NKAIN3: variants seen among roughly 807,000 people sequenced by gnomAD.
NKAIN3 encodes the protein sodium/potassium transporting ATPase interacting 3.
In NKAIN3, 25 loss-of-function variants were observed where a neutral mutation model predicts 30.2. That is an observed-to-expected ratio of 0.83 (90% CI 0.60 to 1.16). The LOEUF (loss-of-function observed/expected upper bound fraction) is 1.16, where lower values mean the gene tolerates loss of function less well. Among genes scored for constraint, NKAIN3 ranks in the 50% most tolerant of loss-of-function variants. The pLI is 0.00. For synonymous variants in NKAIN3, 91 were observed against 89.6 expected (o/e 1.02, Z -0.09); for missense variants, 225 against 254.1 (o/e 0.89, Z 0.78).
At chr8:62,787,807 G>C (rs2130665514) in intron 4 of NKAIN3, among the ~76,000 whole-genome samples, 1 of 152,030 alleles carries the variant, frequency 6.6e-6, no homozygotes, top group African/African-American at 2.4e-5. Context: ...GTGATAGTTT[G>C]CTGAGAATGA....
At chr8:62,408,073 G>A (rs1270437170) in intron 1 of NKAIN3, among the ~76,000 whole-genome samples, 2 of 152,118 alleles carry the variant, frequency 1.3e-5, no homozygotes, top group Admixed American at 1.3e-4. Flanking sequence ...GGATCGCACT[G>A]TATTATAGTC....
Position 62,571,599 on chromosome 8 carries a change from C to A in NKAIN3, c.55-7940C>A, listed in dbSNP as rs374705492. Among the ~76,000 whole-genome samples, 69 of 152,256 alleles carry A rather than the reference C, an allele frequency of 4.5e-4. No individual in the cohort carries two copies. The East Asian group carries it at 6.0e-3, about 13-fold the overall frequency. ...AACCCCACATTTCCCTTCCACACTG[C>A]CCTAGCAGAGGATCTCCATGAGGGC... On this transcript the variant is annotated intron_variant, in intron 1 of 6. Coordinates refer to ENST00000623646, the MANE Select transcript of NKAIN3 (RefSeq NM_001304533.3).
chr8:62,352,577 C>T (rs1402328619), intron 1 of NKAIN3, among the ~76,000 whole-genome samples: 24 of 152,148 alleles, frequency 1.6e-4, no homozygotes, highest in Admixed American at 1.6e-3. Context: ...AGCTGAGCAT[C>T]GTCTTCTAAA....
At chr8:62,900,163 G>T (rs904345517) in intron 4 of NKAIN3, among the ~76,000 whole-genome samples, 2 of 152,108 alleles carry the variant, frequency 1.3e-5, no homozygotes, top group African/African-American at 4.8e-5. Context: ...AAGGCCAAAC[G>T]TAAAGTCTAA....
At chr8:62,770,900 G>A (rs58948762) in intron 4 of NKAIN3, among the ~76,000 whole-genome samples, 9 of 151,966 alleles carry the variant, frequency 5.9e-5, no homozygotes, top group African/African-American at 1.7e-4. Context: ...GCTGGTGGGC[G>A]GGGGGTGGAG....
At chr8:62,683,968 C>G (rs1490095307) in intron 3 of NKAIN3, among the ~76,000 whole-genome samples, 1 of 152,144 alleles carries the variant, frequency 6.6e-6, no homozygotes, top group Non-Finnish European at 1.5e-5. Context: ...CTTAGCTAGT[C>G]TCCCCAGTAT....
chr8:62,863,618 A>G (rs1336999597), intron 4 of NKAIN3: 3 of 1,195,522 alleles, frequency 2.5e-6, no homozygotes, highest in Admixed American at 1.7e-5. Flanking sequence ...AACGAGCTGG[A>G]TCACCATGTC....
intron 1 of NKAIN3, among the ~76,000 whole-genome samples, chr8:62,498,089 C>T (rs914824008): frequency 1.1e-4 from 17 of 151,978 alleles, no homozygotes; most frequent in South Asian, 4.1e-4. Context: ...GTGAGGAAGA[C>T]GGTAATCGTC....
intron 4 of NKAIN3, among the ~76,000 whole-genome samples, chr8:62,895,243 A>G (rs915888491): frequency 1.3e-5 from 2 of 152,180 alleles, no homozygotes; most frequent in Non-Finnish European, 2.9e-5. Flanking sequence ...TATCCTCCAC[A>G]TTCATTAGAT....
At chr8:62,925,324 A>T (rs1372059095) in intron 5 of NKAIN3, among the ~76,000 whole-genome samples, 6 of 152,130 alleles carry the variant, frequency 3.9e-5, no homozygotes, top group African/African-American at 1.4e-4. Context: ...TATCTCTCAT[A>T]TCTCTTTCCT....
At chr8:62,451,839 CT>C (rs1209774739) in intron 1 of NKAIN3, among the ~76,000 whole-genome samples, 1 of 152,066 alleles carries the variant, frequency 6.6e-6, no homozygotes, top group East Asian at 1.9e-4. Flanking sequence ...CAGAAATGAC[CT>C]TTTATTTGGT....
intron 4 of NKAIN3, among the ~76,000 whole-genome samples, chr8:62,908,973 C>T (rs1016473886): frequency 2.0e-5 from 3 of 152,132 alleles, no homozygotes; most frequent in African/African-American, 7.2e-5. Context: ...CCCAGCAATC[C>T]TCTCATTGAA....
chr8:62,274,837 CAT>C (rs1395322012), intron 1 of NKAIN3, among the ~76,000 whole-genome samples: 2 of 147,918 alleles, frequency 1.4e-5, no homozygotes, highest in Non-Finnish European at 3.0e-5. Flanking sequence ...TGAGTGAGAA[CAT>C]GCAGTGTTTG....
At chr8:62,751,325 A>C (rs1230884900) in intron 4 of NKAIN3, among the ~76,000 whole-genome samples, 1 of 152,180 alleles carries the variant, frequency 6.6e-6, no homozygotes, top group African/African-American at 2.4e-5. Flanking sequence ...TAGTTAATAC[A>C]TATACTTGGT....
intron 4 of NKAIN3, among the ~76,000 whole-genome samples, chr8:62,916,424 T>C (rs533769550): frequency 2.9e-4 from 44 of 152,268 alleles, no homozygotes; most frequent in African/African-American, 9.4e-4. Context: ...AAGTTATTAG[T>C]GATGGGATTA....
chr8:62,907,862 G>A (rs1821826955), intron 4 of NKAIN3, among the ~76,000 whole-genome samples: 1 of 152,230 alleles, frequency 6.6e-6, no homozygotes, highest in Non-Finnish European at 1.5e-5. Context: ...GTGCACAAGG[G>A]AAATGTGCAG....
chr8:62,845,031 A>G (rs1000031843), intron 4 of NKAIN3, among the ~76,000 whole-genome samples: 3 of 151,916 alleles, frequency 2.0e-5, no homozygotes, highest in Admixed American at 2.0e-4. Context: ...CCTACCAAGT[A>G]TATTGTATGC....
intron 4 of NKAIN3, chr8:62,855,841 T>G: frequency 1.2e-6 from 1 of 809,206 alleles, no homozygotes; most frequent in Admixed American, 1.8e-5. Flanking sequence ...ACCAGAAATT[T>G]CTGGTCATCC....
intron 1 of NKAIN3, among the ~76,000 whole-genome samples, chr8:62,393,642 C>T (rs1563378124): frequency 6.6e-6 from 1 of 151,768 alleles, no homozygotes; most frequent in Non-Finnish European, 1.5e-5. Context: ...ATAGAGACTG[C>T]TAGGATTTTG....
Sources: allele counts gnomAD v4.1 joint callset (sites outside exome capture counted in the v4.1 genomes callset), GRCh38; gene constraint gnomAD v4.1.1; transcripts MANE v1.5; gene names NCBI Gene and HGNC (gene_info 2026-07-23, HGNC 2026-07-21).